Variants in C13orf42 observed in about 807,000 individuals in gnomAD.
C13orf42 encodes uncharacterized protein C13orf42.
chr13:51,092,924 CT>C (rs568355376), intron 1 of C13orf42, among the ~76,000 whole-genome samples: 7 of 152,088 alleles, frequency 4.6e-5, no homozygotes, highest in South Asian at 2.1e-4. Flanking sequence ...CAACCTCTCA[CT>C]TTTTTTTCTG....
chr13:51,113,408 A>G (rs1953454124), upstream of C13orf42, among the ~76,000 whole-genome samples: 2 of 152,216 alleles, frequency 1.3e-5, no homozygotes, highest in African/African-American at 4.8e-5. Flanking sequence ...AGTGAGGGGA[A>G]AGAATGCTTT....
chr13:51,094,948 A>C (rs902188024), intron 1 of C13orf42, among the ~76,000 whole-genome samples: 1 of 152,068 alleles, frequency 6.6e-6, no homozygotes, highest in Non-Finnish European at 1.5e-5. Flanking sequence ...CATGATACTG[A>C]GTCTCTTGAG....
chr13:51,099,848 C>A (rs764718202), intron 1 of C13orf42, among the ~76,000 whole-genome samples: 163 of 152,306 alleles, frequency 1.1e-3, no homozygotes, highest in Non-Finnish European at 1.7e-3. Context: ...CCCCTTGTAA[C>A]TCCTGGCCTT....
chr13:51,143,233 G>C (rs1024352049), intron 1 of C13orf42, among the ~76,000 whole-genome samples: 24 of 152,150 alleles, frequency 1.6e-4, no homozygotes, highest in African/African-American at 5.6e-4. Flanking sequence ...GCATTCCTGA[G>C]ACACAGGGCA....
intron 1 of C13orf42, among the ~76,000 whole-genome samples, chr13:51,159,096 C>T (rs928668001): frequency 6.6e-6 from 1 of 152,164 alleles, no homozygotes; most frequent in Non-Finnish European, 1.5e-5. Flanking sequence ...CACACGCAGA[C>T]TTTTGCCAGT....
chr13:51,105,220 C>T (rs939640889), intron 1 of C13orf42, among the ~76,000 whole-genome samples: 5 of 152,206 alleles, frequency 3.3e-5, no homozygotes, highest in Non-Finnish European at 7.3e-5. Flanking sequence ...GCTGCCAATC[C>T]ATAGTCTCTC....
intron 1 of C13orf42, among the ~76,000 whole-genome samples, chr13:51,117,663 C>A (rs1953502742): frequency 6.6e-6 from 1 of 152,182 alleles, no homozygotes; most frequent in African/African-American, 2.4e-5. Context: ...CCTGCACCTA[C>A]CTCCTACTTA....
At chr13:51,111,517 T>C (rs1001591716), upstream of C13orf42, among the ~76,000 whole-genome samples, 1 of 152,202 alleles carries the variant, frequency 6.6e-6, no homozygotes, top group African/African-American at 2.4e-5. Flanking sequence ...CCTTCAGTGC[T>C]CTCCCGTGGA....
intron 1 of C13orf42, among the ~76,000 whole-genome samples, chr13:51,136,055 G>A (rs1372710353): frequency 6.6e-6 from 1 of 152,120 alleles, no homozygotes; most frequent in African/African-American, 2.4e-5. Flanking sequence ...AGAGTTAAGA[G>A]TCCCATCCAT....
chr13:51,109,316 T>C (rs1017040373), intron 1 of C13orf42, among the ~76,000 whole-genome samples: 11 of 152,140 alleles, frequency 7.2e-5, no homozygotes, highest in African/African-American at 2.4e-4. Flanking sequence ...TTAATGGAGT[T>C]TGCACGGCCT....
upstream of C13orf42, among the ~76,000 whole-genome samples, chr13:51,111,405 C>T (rs9568518): frequency 0.043 from 6,496 of 152,188 alleles, 219 homozygotes; most frequent in East Asian, 0.12. Flanking sequence ...TGTTTACATC[C>T]TATAACCAAG....
At position 51,083,952 on chromosome 13, in the gene C13orf42, T is replaced by A. The variant is rs1374071384; in HGVS notation, c.*199A>T. On this transcript the variant is annotated 3_prime_UTR_variant, in exon 4 of 4. Coordinates refer to ENST00000563710, the MANE Select transcript of C13orf42 (RefSeq NM_001351589.3). ...TCAGCCCACGCAGAGAAACTCAAGC[T>A]CTGAGAGTGTCCTGAGACCTGTCCC... The A allele has an allele frequency of 7.9e-6, 3 of 379,828 alleles. No individual in the cohort carries two copies. Among genetic ancestry groups the A allele is most frequent in the African/African-American group, 6.2e-5 (3 of 48,192 alleles). 23.5% of individuals were successfully genotyped at this position (379,828 alleles called of 1,614,324 possible).
intron 2 of C13orf42, among the ~76,000 whole-genome samples, chr13:51,086,721 A>G (rs1953131633): frequency 1.3e-5 from 2 of 152,152 alleles, no homozygotes; most frequent in African/African-American, 4.8e-5. Flanking sequence ...ATTAAAAATT[A>G]TAACTCTGAA....
intron 1 of C13orf42, among the ~76,000 whole-genome samples, chr13:51,151,591 G>T (rs1953778236): frequency 1.3e-5 from 2 of 152,316 alleles, no homozygotes; most frequent in Admixed American, 1.3e-4. Flanking sequence ...CACCTTCTAT[G>T]ACCAGGCACT....
At chr13:51,170,284 T>C (rs1362358334) in intron 1 of C13orf42, among the ~76,000 whole-genome samples, 2 of 152,184 alleles carry the variant, frequency 1.3e-5, no homozygotes, top group East Asian at 3.9e-4. Flanking sequence ...ACAAAGCCTG[T>C]TTGGTGGTCT....
At chr13:51,135,330 C>T (rs961792797) in intron 1 of C13orf42, among the ~76,000 whole-genome samples, 9 of 152,152 alleles carry the variant, frequency 5.9e-5, no homozygotes, top group Admixed American at 2.6e-4. Flanking sequence ...CACAGACCTC[C>T]GAGCCTTTGC....
intron 1 of C13orf42, among the ~76,000 whole-genome samples, chr13:51,159,801 G>GTTCT (rs10647207): frequency 6.6e-6 from 1 of 152,030 alleles, no homozygotes; most frequent in Non-Finnish European, 1.5e-5. Context: ...TCATATGTAA[G>GTTCT]ACAGTGTATT....
chr13:51,164,568 G>C (rs1953890868), intron 1 of C13orf42, among the ~76,000 whole-genome samples: 1 of 152,172 alleles, frequency 6.6e-6, no homozygotes, highest in African/African-American at 2.4e-5. Context: ...GCCGAAGTAG[G>C]AGGATTCCTT....
chr13:51,108,107 T>A (rs1025005229), intron 1 of C13orf42, among the ~76,000 whole-genome samples: 2 of 152,050 alleles, frequency 1.3e-5, no homozygotes, highest in African/African-American at 4.8e-5. Context: ...TCCGTGGCAT[T>A]CTCCCTGCAT....
Sources: gnomAD v4.1 joint callset for allele counts (sites outside exome capture counted in the v4.1 genomes callset) on GRCh38, gnomAD v4.1.1 for gene constraint, MANE v1.5 for transcripts, NCBI Gene and HGNC (gene_info 2026-07-23, HGNC 2026-07-21) for gene names.